The following SLC2A5 variants were observed in gnomAD, a reference collection of about 807,000 sequenced individuals.
SLC2A5 encodes the protein solute carrier family 2 member 5.
Under a neutral mutation model 50.3 loss-of-function variants are expected in SLC2A5, and 56 were observed. The observed-to-expected ratio is 1.11, with a 90% CI of 0.90 to 1.39. The LOEUF (loss-of-function observed/expected upper bound fraction) is 1.39. SLC2A5 is among the 40% of genes most tolerant of loss of function. SLC2A5 has a pLI of 0.00. For synonymous variants in SLC2A5, 269 were observed against 281.9 expected (o/e 0.95, Z 0.46); for missense variants, 566 against 650.1 (o/e 0.87, Z 1.41).
rs762380731 is a variant in SLC2A5, at chr1:9,041,878, C to T, written c.478G>A (p.Gly160Arg). The change falls in exon 5 of 12, where the codon GGG (glycine) becomes AGG (arginine). Residue 160 changes from glycine (G) to arginine (R), a missense_variant. Transcript: ENST00000377424. Reference protein sequence around the residue: ...LGELAPKNLRGALGVVPQLFI... With the variant: ...LGELAPKNLRRALGVVPQLFI... The stretch of plus-strand genomic sequence containing the variant: ...AGCTGGGGCACCACCCCGAGAGCCC[C>T]CCGCAGGTTTTTAGGGGCCAGCTCC... 1 of 1,613,920 alleles carries T rather than the reference C, an allele frequency of 6.2e-7. No homozygotes were observed. The highest frequency in any genetic ancestry group is 1.7e-5 in the Admixed American group (1 of 60,006).
At chr1:9,072,604 A>G (rs184579328), upstream of SLC2A5, among the ~76,000 whole-genome samples, 15 of 152,084 alleles carry the variant, frequency 9.9e-5, no homozygotes, top group African/African-American at 3.6e-4. Context: ...AAAATTGACA[A>G]TCACTTGGTG....
In SLC2A5 at chr1:9,079,617, C is replaced by T. The variant is rs559316072; in HGVS notation, c.-59+5397G>A. On this transcript the variant is annotated intron_variant, in intron 2 of 5. Transcript: ENST00000464985. ...TCTCCTGCCTCAGCCTCCCAAATAG[C>T]TGGGATTACAGACGTGAGCCACCAT... 2.6e-5 allele frequency among the ~76,000 whole-genome samples: 4 copies of T among 152,294 alleles called. No homozygotes were observed. In the South Asian group the frequency reaches 8.3e-4, roughly 32 times the overall value.
rs1641845514 is a variant in SLC2A5 at position 9,059,333 on chromosome 1, CG to C, written c.34-1084del. ...AATTTTTTGTATTTTTTAGTAGAGACGGGGTTTCACTGTGTTAGCCAGGATG... is the reference window on the plus strand; with the variant it reads ...AATTTTTTGTATTTTTTAGTAGAGACGGGTTTCACTGTGTTAGCCAGGATG... On this transcript the variant is annotated intron_variant, in intron 1 of 11. Transcript: ENST00000377424. 4.0e-5 allele frequency among the ~76,000 whole-genome samples: 6 copies of C among 151,080 alleles called. No individual in the cohort carries two copies. The South Asian group carries it at 1.3e-3, about 32-fold the overall frequency.
intron 2 of SLC2A5, among the ~76,000 whole-genome samples, chr1:9,077,090 CA>C (rs1426132443): frequency 6.7e-6 from 1 of 150,130 alleles, no homozygotes; most frequent in African/African-American, 2.4e-5. Flanking sequence ...CCAAGCCTTA[CA>C]AGTGGGTTTT....
chr1:9,078,887 G>A (rs1229808665), intron 2 of SLC2A5, among the ~76,000 whole-genome samples: 1 of 152,256 alleles, frequency 6.6e-6, no homozygotes, highest in Middle Eastern at 3.4e-3. Context: ...TTTAGATAAG[G>A]AAGGAATCAT....
chr1:9,048,949 G>A (rs118147493), intron 3 of SLC2A5: 7,234 of 348,908 alleles, frequency 0.021, 155 homozygotes, highest in South Asian at 0.062. Context: ...GAGCCACTGC[G>A]CCCAGCCATT....
chr1:9,068,390 C>T (rs1642138232), intron 1 of SLC2A5, among the ~76,000 whole-genome samples: 1 of 150,810 alleles, frequency 6.6e-6, no homozygotes, highest in African/African-American at 2.4e-5. Context: ...CCAAGTCCCA[C>T]AGCTAGAATA....
chr1:9,073,682 C>T (rs1460949884), upstream of SLC2A5, among the ~76,000 whole-genome samples: 1 of 152,244 alleles, frequency 6.6e-6, no homozygotes, highest in African/African-American at 2.4e-5. Flanking sequence ...GGACAGAAAA[C>T]AGGAAGATAT....
chr1:9,072,425 A>G (rs1330512177), upstream of SLC2A5: 2 of 152,244 alleles, frequency 1.3e-5, no homozygotes, highest in Non-Finnish European at 2.9e-5. Flanking sequence ...TTCCATCTGG[A>G]TGTCCAGAGG....
intron 10 of SLC2A5, 45 bp from the exon 11 acceptor site, chr1:9,038,069 G>C: frequency 7.5e-6 from 12 of 1,604,344 alleles, no homozygotes; most frequent in Admixed American, 3.4e-5. Context: ...GAGCGGGCCC[G>C]AGCATCCCAG....
chr1:9,057,425 AT>A lies in SLC2A5; in HGVS notation c.293+22del, dbSNP rs1162081453. 4 of 1,588,898 alleles carry A rather than the reference AT, an allele frequency of 2.5e-6. No homozygotes were observed. The East Asian group carries it at 9.0e-5, about 36-fold the overall frequency. On this transcript the variant is annotated intron_variant, in intron 3 of 11. Coordinates refer to ENST00000377424, the MANE Select transcript of SLC2A5 (RefSeq NM_003039.3). The stretch of plus-strand genomic sequence containing the variant: ...GATGGGGGTCTATGAGTTTCAGGGA[AT>A]TAAAAATTCACCTTCCCTTACCTGC...
upstream of SLC2A5, chr1:9,069,685 C>T (rs1642172796): frequency 3.8e-6 from 3 of 788,598 alleles, no homozygotes; most frequent in South Asian, 3.3e-5. Context: ...GTCAGAATAA[C>T]CCTTTCAGGA....
In SLC2A5 at chr1:9,055,436, G is replaced by A. The variant is rs552188611; in HGVS notation, c.293+2012C>T. On this transcript the variant is annotated intron_variant, in intron 3 of 11. Coordinates refer to ENST00000377424, the MANE Select transcript of SLC2A5 (RefSeq NM_003039.3). The stretch of plus-strand genomic sequence containing the variant: ...GGAGGCCGAGGCAGGAGAATCGTTT[G>A]AACCCGGGAGGCAGAGGTTGCAGTG... Among the ~76,000 whole-genome samples, 19 of 152,226 alleles carry A rather than the reference G, an allele frequency of 1.2e-4. No individual in the cohort carries two copies. In the South Asian group the frequency reaches 3.1e-3, roughly 25 times the overall value.
At chr1:9,049,365 C>T in intron 3 of SLC2A5, 2 of 351,980 alleles carry the variant, frequency 5.7e-6, no homozygotes. Flanking sequence ...GGAGAACCAA[C>T]ATCACCTGAC....
intron 3 of SLC2A5, among the ~76,000 whole-genome samples, chr1:9,050,243 A>C (rs1569860181): frequency 6.6e-6 from 1 of 151,422 alleles, no homozygotes; most frequent in African/African-American, 2.4e-5. Context: ...TGCCACTTGC[A>C]CTCCAGCCTG....
chr1:9,067,915 C>T lies in SLC2A5; in HGVS notation c.33+1589G>A, dbSNP rs116348800. Among the ~76,000 whole-genome samples, 1,101 of 152,160 alleles carry T rather than the reference C, an allele frequency of 7.2e-3. 11 individuals carry two copies. The highest frequency in any genetic ancestry group is 0.025 in the African/African-American group (1,043 of 41,502). On this transcript the variant is annotated intron_variant, in intron 1 of 11. Transcript: ENST00000377424. ...AGTAGTAACATTTACGATGGCCGGG[C>T]GCGGTGGCTCACACCTGTAACCCCA...
intron 2 of SLC2A5, among the ~76,000 whole-genome samples, chr1:9,076,876 G>A (rs1472245126): frequency 6.6e-6 from 1 of 151,040 alleles, no homozygotes; most frequent in African/African-American, 2.4e-5. Flanking sequence ...TGCAACCTCC[G>A]TCTCCCGGGT....
the SLC2A5 span, among the ~76,000 whole-genome samples, chr1:9,094,133 G>C: frequency 6.6e-6 from 1 of 152,172 alleles, no homozygotes; most frequent in Non-Finnish European, 1.5e-5. Flanking sequence ...CACTATCATT[G>C]TTAAGCACCC....
intron 8 of SLC2A5, 81 bp downstream of exon 8, chr1:9,039,471 C>A: frequency 9.6e-7 from 1 of 1,044,888 alleles, no homozygotes; most frequent in Non-Finnish European, 1.4e-6. Context: ...CCACGGGCTG[C>A]CCTTTTGGCG....
Sources: allele counts gnomAD v4.1 joint callset (sites outside exome capture counted in the v4.1 genomes callset), GRCh38; gene constraint gnomAD v4.1.1; transcripts MANE v1.5; gene names NCBI Gene and HGNC (gene_info 2026-07-23, HGNC 2026-07-21).